LIPA: variants seen among roughly 807,000 people sequenced by gnomAD.
The protein encoded by LIPA is lipase A, lysosomal acid type, also known as lysosomal acid lipase/cholesteryl ester hydrolase.
Under a neutral mutation model 40.6 loss-of-function variants are expected in LIPA, and 26 were observed. The ratio of observed to expected loss-of-function variants is 0.64; its 90% confidence interval spans 0.47 to 0.89. The LOEUF is 0.89. Ranked by LOEUF, LIPA falls within the 40% of genes least tolerant of loss-of-function variation. The pLI is 0.00. For synonymous variants in LIPA, 188 were observed against 168.4 expected, an observed-to-expected ratio of 1.12 and a Z score of -0.90; for missense variants, 455 against 479.6, an observed-to-expected ratio of 0.95 and a Z score of 0.48.
chr10:89,386,196 T>A (rs1162021814), intron 2 of LIPA, among the ~76,000 whole-genome samples: 2 of 152,118 alleles, frequency 1.3e-5, no homozygotes, highest in African/African-American at 2.4e-5. Context: ...CATGCCACCA[T>A]GTACCACTTC....
rs79270700 is a variant in LIPA, at chr10:89,256,925, G to A, written c.-1-9276C>T. On this transcript the variant is annotated intron_variant, in intron 1 of 5. Transcript: ENST00000282673. Reference sequence around the variant, plus strand: ...CCTTTTCCAAGTTAAACTTAATAAAGAGAGAAAAGGAGACTCTACATAAGA... The same window carrying A: ...CCTTTTCCAAGTTAAACTTAATAAAAAGAGAAAAGGAGACTCTACATAAGA... Among the ~76,000 whole-genome samples the A allele has an allele frequency of 1.8e-3, 267 of 152,260 alleles. 2 individuals are homozygous for A. The East Asian group carries it at 0.023, about 13-fold the overall frequency.
chr10:89,251,928 C>G (rs1843130271), upstream of LIPA: 1 of 153,482 alleles, frequency 6.5e-6, no homozygotes, highest in East Asian at 1.9e-4. Flanking sequence ...CCGCCCCAGA[C>G]CAGCGCTGCC....
intron 1 of LIPA, among the ~76,000 whole-genome samples, chr10:89,274,068 A>T (rs1843278331): frequency 6.6e-6 from 1 of 152,236 alleles, no homozygotes; most frequent in South Asian, 2.1e-4. Flanking sequence ...TATAGACATA[A>T]GTCACATTCC....
rs150279833 is a variant in LIPA, at chr10:89,413,374, C to A, written c.-71-452G>T. On this transcript the variant is annotated intron_variant, in intron 1 of 8. Coordinates refer to the LIPA transcript ENST00000371837. ...CTTTAAATGAGGCACTCGCTTCAGG[C>A]ACTAAGTTTTGAGGGGTGGGGTGCC... Among the ~76,000 whole-genome samples the A allele has an allele frequency of 1.1e-3, 172 of 152,068 alleles. 1 individual carries two copies. The highest frequency in any genetic ancestry group is 3.9e-3 in the African/African-American group (162 of 41,456).
intron 2 of LIPA, among the ~76,000 whole-genome samples, chr10:89,348,685 C>T (rs1000671065): frequency 6.6e-6 from 1 of 152,202 alleles, no homozygotes; most frequent in African/African-American, 2.4e-5. Context: ...ACTTCCTTGG[C>T]TGTTGTTGTA....
chr10:89,233,505 A>C (rs1233921792), intron 3 of LIPA, among the ~76,000 whole-genome samples: 1 of 152,252 alleles, frequency 6.6e-6, no homozygotes. Context: ...AAGTGATTTG[A>C]AAACATACAT....
chr10:89,362,829 C>T (rs1194302003), intron 2 of LIPA: 3 of 389,248 alleles, frequency 7.7e-6, no homozygotes, highest in Non-Finnish European at 1.4e-5. Context: ...CCCTGAAAAT[C>T]CTGAATTCAG....
chr10:89,371,234 C>T (rs890074169), intron 2 of LIPA, among the ~76,000 whole-genome samples: 1 of 152,238 alleles, frequency 6.6e-6, no homozygotes, highest in Non-Finnish European at 1.5e-5. Flanking sequence ...GCCACTCCTA[C>T]ATCATGTGCC....
At chr10:89,262,471 C>T (rs1392150415) in intron 1 of LIPA, among the ~76,000 whole-genome samples, 1 of 152,186 alleles carries the variant, frequency 6.6e-6, no homozygotes, top group Admixed American at 6.5e-5. Context: ...GCACAATGAG[C>T]AAAGGGTCAT....
At chr10:89,393,717 G>A (rs1056030051) in intron 2 of LIPA, among the ~76,000 whole-genome samples, 8 of 152,164 alleles carry the variant, frequency 5.3e-5, no homozygotes, top group Non-Finnish European at 1.2e-4. Flanking sequence ...GCAACAGAGC[G>A]AGACTCCGTC....
intron 2 of LIPA, among the ~76,000 whole-genome samples, chr10:89,398,010 C>T (rs1197441030): frequency 3.3e-5 from 5 of 152,176 alleles, no homozygotes; most frequent in African/African-American, 1.2e-4. Context: ...GACCACCATC[C>T]ATCTCCAGAA....
Position 89,230,683 on chromosome 10 carries a change from G to A in LIPA, c.230-2285C>T, listed in dbSNP as rs868261709. Among the ~76,000 whole-genome samples, 5 of 152,164 alleles carry A rather than the reference G, an allele frequency of 3.3e-5. 1 individual carries two copies. Among genetic ancestry groups the A allele is most frequent in the South Asian group, 4.1e-4 (2 of 4,828 alleles). The stretch of plus-strand genomic sequence containing the variant: ...CCAAGTTCTAACATGACACCTTGGG[G>A]AAACATCTCCTAAAATTAATATAAT... On this transcript the variant is annotated intron_variant, in intron 3 of 9. Coordinates refer to ENST00000336233, the MANE Select transcript of LIPA (RefSeq NM_000235.4).
chr10:89,247,755 G>C (rs2133468368), intron 1 of LIPA, 106 bp from the exon 2 acceptor site: 1 of 761,216 alleles, frequency 1.3e-6, no homozygotes, highest in Non-Finnish European at 2.3e-6. Context: ...TTTAGGGCAA[G>C]TAAAAGGTGA....
At chr10:89,340,394 T>G in intron 1 of LIPA, 1 of 237,986 alleles carries the variant, frequency 4.2e-6, no homozygotes, top group Non-Finnish European at 8.2e-6. Context: ...CCGTCTCTAC[T>G]AAAAATACAA....
At chr10:89,414,617 C>A (rs764808944), upstream of LIPA, 4 of 519,412 alleles carry the variant, frequency 7.7e-6, no homozygotes, top group Non-Finnish European at 1.3e-5. Context: ...CCTGTTCTTG[C>A]TGGGGCTGGG....
chr10:89,308,790 A>T (rs942890851), intron 1 of LIPA: 1 of 152,236 alleles, frequency 6.6e-6, no homozygotes, highest in Non-Finnish European at 1.5e-5. Flanking sequence ...AACCACTGTA[A>T]CAACAGTTTT....
At chr10:89,215,565 T>C (rs4554789) in intron 9 of LIPA, among the ~76,000 whole-genome samples, 24,876 of 152,196 alleles carry the variant, frequency 0.16, 2,344 homozygotes, top group African/African-American at 0.26. Flanking sequence ...GCATTTAGCA[T>C]GCTCAAAAAT....
intron 1 of LIPA, among the ~76,000 whole-genome samples, chr10:89,258,872 T>A (rs1012762618): frequency 3.3e-5 from 5 of 152,240 alleles, no homozygotes; most frequent in African/African-American, 1.2e-4. Context: ...TATTCTTCTA[T>A]AATTTAAAAA....
chr10:89,274,313 A>C (rs1014883146), intron 1 of LIPA, among the ~76,000 whole-genome samples: 5 of 152,278 alleles, frequency 3.3e-5, no homozygotes, highest in African/African-American at 1.2e-4. Flanking sequence ...TGTCCAAATG[A>C]TAAAGAAAAA....
Sources: allele counts gnomAD v4.1 joint callset (sites outside exome capture counted in the v4.1 genomes callset), GRCh38; gene constraint gnomAD v4.1.1; transcripts MANE v1.5; gene names NCBI Gene and HGNC (gene_info 2026-07-23, HGNC 2026-07-21).